Variants in CTNNA2 observed in about 807,000 individuals in gnomAD.
The protein encoded by CTNNA2 is catenin alpha-2.
Under a neutral mutation model 101.0 loss-of-function variants are expected in CTNNA2, and 42 were observed. The observed-to-expected ratio is 0.42, with a 90% CI of 0.32 to 0.54. The LOEUF (loss-of-function observed/expected upper bound fraction) is 0.54. Among genes scored for constraint, CTNNA2 ranks in the 20% least tolerant of loss-of-function variants. CTNNA2 has a pLI of 0.14. For synonymous variants in CTNNA2, 450 were observed against 456.4 expected (o/e 0.99, Z 0.18); for missense variants, 871 against 1,223.1 (o/e 0.71, Z 4.29).
At position 79,385,548 on chromosome 2, in the gene CTNNA2, G is replaced by A. The variant is rs192030746; in HGVS notation, c.-135+11535G>A. On this transcript the variant is annotated intron_variant, in intron 4 of 21. Transcript: ENST00000466387. ...TATTTTGTTTTACTTTTAGTTCTGG[G>A]ATACAAGTGCAGAATGTGCAGGTTT... Among the ~76,000 whole-genome samples the A allele has an allele frequency of 4.4e-4, 66 of 149,064 alleles. No individual in the cohort carries two copies. In the East Asian group the frequency reaches 0.014, roughly 32 times the overall value.
At chr2:79,224,190 G>C (rs890224819) in intron 2 of CTNNA2, among the ~76,000 whole-genome samples, 2 of 152,106 alleles carry the variant, frequency 1.3e-5, no homozygotes, top group Admixed American at 1.3e-4. Context: ...GGTGCATAAA[G>C]GGTTATGTCT....
chr2:79,752,939 G>A (rs1017703529), intron 3 of CTNNA2, among the ~76,000 whole-genome samples: 1 of 152,174 alleles, frequency 6.6e-6, no homozygotes, highest in African/African-American at 2.4e-5. Context: ...TATCTAGAAA[G>A]CAGGTAGGGA....
rs546715583 is a variant in CTNNA2 at position 79,533,196 on chromosome 2, C to G, written c.-6+19989C>G. Among the ~76,000 whole-genome samples, 15 of 151,958 alleles carry G rather than the reference C, an allele frequency of 9.9e-5. 1 individual carries two copies. The highest frequency in any genetic ancestry group is 2.9e-5 in the Non-Finnish European group (2 of 67,974). ...TATCTGTTCCCCATTTTTGTTACAC[C>G]TTTTCTTAGAGTTATTGTTGTATTT... On this transcript the variant is annotated intron_variant, in intron 1 of 18. Transcript: ENST00000402739.
chr2:80,244,434 C>A (rs1671173023), intron 7 of CTNNA2, among the ~76,000 whole-genome samples: 1 of 152,204 alleles, frequency 6.6e-6, no homozygotes. Flanking sequence ...AGGCTCACTA[C>A]CTCCTGGGGA....
chr2:79,585,479 T>TAG (rs1676424082), intron 1 of CTNNA2, among the ~76,000 whole-genome samples: 1 of 151,978 alleles, frequency 6.6e-6, no homozygotes, highest in Non-Finnish European at 1.5e-5. Context: ...ATTATTGTTA[T>TAG]ATATTTGGCT....
chr2:79,918,899 C>G (rs1004805449), intron 7 of CTNNA2, among the ~76,000 whole-genome samples: 1 of 152,142 alleles, frequency 6.6e-6, no homozygotes, highest in Non-Finnish European at 1.5e-5. Flanking sequence ...TACAGGGTTT[C>G]AAGTTTGCAA....
intron 2 of CTNNA2, among the ~76,000 whole-genome samples, chr2:79,297,425 TA>T (rs957998653): frequency 2.0e-5 from 3 of 152,192 alleles, no homozygotes; most frequent in African/African-American, 7.2e-5. Flanking sequence ...CAAGAGTTTT[TA>T]AACAAATTCT....
At chr2:79,948,611 A>G (rs148786933) in intron 7 of CTNNA2, among the ~76,000 whole-genome samples, 8 of 152,372 alleles carry the variant, frequency 5.3e-5, no homozygotes, top group African/African-American at 1.9e-4. Context: ...AAGAGGAGAC[A>G]ATTTATCCAA....
At position 79,484,107 on chromosome 2, in the gene CTNNA2, G is replaced by C. The variant is rs993176124; in HGVS notation, c.-134-20947G>C. 3.9e-5 allele frequency among the ~76,000 whole-genome samples: 6 copies of C among 152,172 alleles called. No homozygotes were observed. The South Asian group carries it at 1.0e-3, about 26-fold the overall frequency. ...AAAATACAAAAATTAACGACATGGT[G>C]GCATGTGCCTTTCCTGCAAGCTACT... On this transcript the variant is annotated intron_variant, in intron 4 of 21. Transcript: ENST00000466387.
intron 7 of CTNNA2, among the ~76,000 whole-genome samples, chr2:80,336,734 T>A (rs1358736855): frequency 2.0e-5 from 3 of 152,190 alleles, no homozygotes; most frequent in Non-Finnish European, 4.4e-5. Context: ...TAGAAAACAT[T>A]TTCACAGGAA....
chr2:80,069,304 G>A (rs768656388), intron 7 of CTNNA2, among the ~76,000 whole-genome samples: 5 of 152,080 alleles, frequency 3.3e-5, no homozygotes, highest in Middle Eastern at 3.2e-3. Context: ...CCGGAACACC[G>A]TCACAGAGAC....
intron 2 of CTNNA2, among the ~76,000 whole-genome samples, chr2:79,212,358 A>G (rs1674186793): frequency 6.6e-6 from 1 of 152,212 alleles, no homozygotes; most frequent in Non-Finnish European, 1.5e-5. Context: ...ACTGAGGCCT[A>G]ATAAAAAGGA....
chr2:80,566,486 A>G (rs1208081164), intron 12 of CTNNA2, among the ~76,000 whole-genome samples: 2 of 152,202 alleles, frequency 1.3e-5, no homozygotes, highest in East Asian at 3.8e-4. Context: ...AATGAATGGC[A>G]TAACTGGATA....
chr2:80,069,900 T>A (rs902105665), intron 7 of CTNNA2, among the ~76,000 whole-genome samples: 2 of 152,244 alleles, frequency 1.3e-5, no homozygotes, highest in African/African-American at 4.8e-5. Context: ...CAAATCTTTA[T>A]GCCTGAAGGG....
chr2:79,389,226 A>G (rs1031744372), intron 4 of CTNNA2, among the ~76,000 whole-genome samples: 4 of 152,200 alleles, frequency 2.6e-5, no homozygotes, highest in Non-Finnish European at 5.9e-5. Flanking sequence ...AACTTGCTAT[A>G]AAGGTTTCCA....
intron 4 of CTNNA2, among the ~76,000 whole-genome samples, chr2:79,459,824 T>C (rs548848265): frequency 3.9e-5 from 6 of 152,330 alleles, no homozygotes; most frequent in South Asian, 4.1e-4. Context: ...CCTTCTTGGT[T>C]CTTTGCAAAT....
At chr2:79,987,747 A>G (rs988855044) in intron 7 of CTNNA2, among the ~76,000 whole-genome samples, 4 of 152,230 alleles carry the variant, frequency 2.6e-5, no homozygotes, top group African/African-American at 9.6e-5. Flanking sequence ...TACATCTACC[A>G]CAACCATGTC....
intron 6 of CTNNA2, among the ~76,000 whole-genome samples, chr2:79,882,859 C>T (rs879035532): frequency 2.0e-5 from 3 of 152,188 alleles, no homozygotes; most frequent in South Asian, 2.1e-4. Flanking sequence ...TCTTCCGATC[C>T]GTGGGTTGCA....
intron 7 of CTNNA2, among the ~76,000 whole-genome samples, chr2:80,132,374 G>A (rs1165919143): frequency 6.6e-6 from 1 of 152,078 alleles, no homozygotes; most frequent in Non-Finnish European, 1.5e-5. Flanking sequence ...TTTCTTTCAT[G>A]CATCTTCCTT....
Sources: allele counts gnomAD v4.1 joint callset (sites outside exome capture counted in the v4.1 genomes callset), GRCh38; gene constraint gnomAD v4.1.1; transcripts MANE v1.5; gene names NCBI Gene and HGNC (gene_info 2026-07-23, HGNC 2026-07-21).